Variants in SAMD12 observed in about 807,000 individuals in gnomAD.
The protein encoded by SAMD12 is sterile alpha motif domain-containing protein 12.
A neutral mutation model predicts 15.0 loss-of-function variants in SAMD12; 9 were observed. That is an observed-to-expected ratio of 0.60 (90% CI 0.36 to 1.05). The LOEUF (loss-of-function observed/expected upper bound fraction) is 1.05, where lower values mean the gene tolerates loss of function less well. Ranked by LOEUF, SAMD12 falls within the 50% of genes least tolerant of loss-of-function variation. The pLI is 0.01. For synonymous variants in SAMD12, 86 were observed against 90.1 expected (o/e 0.96, Z 0.25); for missense variants, 230 against 234.2 (o/e 0.98, Z 0.12).
chr8:118,298,269 A>G (rs150632633), intron 4 of SAMD12, among the ~76,000 whole-genome samples: 88 of 152,318 alleles, frequency 5.8e-4, no homozygotes, highest in Non-Finnish European at 3.2e-4. Context: ...AACTTTATGC[A>G]TTGTGTTTAT....
chr8:118,492,141 A>ATTTTTTTTTTTTTTTTTTT (rs1824459423), intron 2 of SAMD12, among the ~76,000 whole-genome samples: 1 of 127,950 alleles, frequency 7.8e-6, no homozygotes, highest in African/African-American at 3.4e-5. Flanking sequence ...TTTTTTTTTA[A>ATTTTTTTTTTTTTTTTTTT]GTTTTAAGTC....
chr8:118,135,413 C>T, the SAMD12 span, among the ~76,000 whole-genome samples: 1 of 152,208 alleles, frequency 6.6e-6, no homozygotes, highest in Non-Finnish European at 1.5e-5. Context: ...AACTCCTGAC[C>T]TCGTGATCTG....
chr8:118,388,018 C>A (rs1050351040), intron 3 of SAMD12, among the ~76,000 whole-genome samples: 4 of 152,056 alleles, frequency 2.6e-5, no homozygotes, highest in Non-Finnish European at 5.9e-5. Flanking sequence ...AATTTCCCTG[C>A]CAGAGGGACA....
At chr8:118,303,402 TGGAA>T (rs879885252) in intron 4 of SAMD12, among the ~76,000 whole-genome samples, 95 of 152,324 alleles carry the variant, frequency 6.2e-4, no homozygotes, top group Admixed American at 1.4e-3. Context: ...AGTTCTGGAA[TGGAA>T]TCCTGTGGTG....
At chr8:118,289,827 G>A (rs1275704231) in intron 4 of SAMD12, among the ~76,000 whole-genome samples, 1 of 152,160 alleles carries the variant, frequency 6.6e-6, no homozygotes, top group African/African-American at 2.4e-5. Context: ...GTCCCCAACT[G>A]TGCATTTGAG....
intron 4 of SAMD12, among the ~76,000 whole-genome samples, chr8:118,320,675 G>C (rs911530546): frequency 1.4e-5 from 2 of 143,900 alleles, no homozygotes; most frequent in African/African-American, 5.3e-5. Flanking sequence ...CGTGGGGTGG[G>C]GGGGGTGGGG....
At chr8:118,193,356 C>T (rs1819460389) in exon 5 of SAMD12, 1 of 152,222 alleles carries the variant, frequency 6.6e-6, no homozygotes, top group Non-Finnish European at 1.5e-5. Context: ...GGAAACAAGG[C>T]TCTCTTTTAC....
At chr8:118,440,659 C>A (rs1038077879) in intron 2 of SAMD12, among the ~76,000 whole-genome samples, 610 of 30,566 alleles carry the variant, frequency 0.02, 3 homozygotes, top group African/African-American at 0.039. Flanking sequence ...ATGAGGAAAA[C>A]ACACACACAC....
At chr8:118,268,331 CACTG>C (rs1813257537) in intron 4 of SAMD12, among the ~76,000 whole-genome samples, 1 of 152,206 alleles carries the variant, frequency 6.6e-6, no homozygotes, top group Admixed American at 6.5e-5. Context: ...TACTCTTCAG[CACTG>C]ACTATTTAAA....
rs1379455800 is a variant in SAMD12 at position 118,435,098 on chromosome 8, A to G, written c.322+4734T>C. ...AGCCTGGGCGACAGAGTGAGACTCC[A>G]TCTCAAAAAAAAAAAAAAAAAGTGT... On this transcript the variant is annotated intron_variant, in intron 3 of 3. Transcript: ENST00000314727. 1.9e-4 allele frequency among the ~76,000 whole-genome samples: 4 copies of G among 20,652 alleles called. 1 individual carries two copies. The highest frequency in any genetic ancestry group is 5.5e-4 in the Non-Finnish European group (4 of 7,320). The allele number at this position is 20,652 out of a possible 152,430, so 13.5% of individuals were successfully genotyped here. A position where few individuals can be genotyped will look rare whatever the true frequency, so the allele number is the denominator to read the frequency against.
At chr8:118,615,087 C>G (rs896433183) in intron 1 of SAMD12, among the ~76,000 whole-genome samples, 1 of 152,186 alleles carries the variant, frequency 6.6e-6, no homozygotes, top group African/African-American at 2.4e-5. Flanking sequence ...AGTTAGGAGG[C>G]TCCCCATTCG....
chr8:118,495,920 C>T (rs981302056), intron 2 of SAMD12, among the ~76,000 whole-genome samples: 4 of 152,014 alleles, frequency 2.6e-5, no homozygotes, highest in African/African-American at 9.7e-5. Flanking sequence ...GTAAGAATCA[C>T]AAGTATTTAA....
the SAMD12 span, among the ~76,000 whole-genome samples, chr8:118,156,642 T>A: frequency 6.6e-6 from 1 of 152,202 alleles, no homozygotes; most frequent in Non-Finnish European, 1.5e-5. Flanking sequence ...TTAGTAAGTG[T>A]TCAACGGGCA....
chr8:118,278,992 C>A (rs531019576), intron 4 of SAMD12, among the ~76,000 whole-genome samples: 2 of 152,260 alleles, frequency 1.3e-5, no homozygotes, highest in East Asian at 3.9e-4. Flanking sequence ...CATGCTTTCC[C>A]AATGGGCTTC....
At chr8:118,554,346 T>C (rs935099778) in intron 2 of SAMD12, among the ~76,000 whole-genome samples, 10 of 152,056 alleles carry the variant, frequency 6.6e-5, no homozygotes, top group African/African-American at 2.4e-4. Flanking sequence ...TGGAATACTA[T>C]GCAGCCATAA....
At chr8:118,263,979 G>A (rs1034681370) in intron 4 of SAMD12, among the ~76,000 whole-genome samples, 23 of 152,052 alleles carry the variant, frequency 1.5e-4, no homozygotes, top group African/African-American at 4.3e-4. Context: ...CCTTTACTTC[G>A]TGAAAGCATA....
intron 2 of SAMD12, among the ~76,000 whole-genome samples, chr8:118,440,657 A>AACACACAC (rs34419362): frequency 0.013 from 1,865 of 142,146 alleles, 18 homozygotes; most frequent in East Asian, 0.038. Context: ...TTATGAGGAA[A>AACACACAC]ACACACACAC....
chr8:118,608,711 C>T (rs530491874), intron 1 of SAMD12, among the ~76,000 whole-genome samples: 1 of 152,188 alleles, frequency 6.6e-6, no homozygotes, highest in African/African-American at 2.4e-5. Context: ...GCTATGTTGG[C>T]CAGGCTGGTC....
intron 3 of SAMD12, among the ~76,000 whole-genome samples, chr8:118,426,867 T>C (rs544782298): frequency 3.7e-4 from 57 of 152,342 alleles, no homozygotes; most frequent in African/African-American, 1.4e-3. Context: ...TACTTTTTAA[T>C]TAAAAAATAT....
Sources: gnomAD v4.1 joint callset for allele counts (sites outside exome capture counted in the v4.1 genomes callset) on GRCh38, gnomAD v4.1.1 for gene constraint, MANE v1.5 for transcripts, NCBI Gene and HGNC (gene_info 2026-07-23, HGNC 2026-07-21) for gene names.